CDKAL1: variants seen among roughly 807,000 people sequenced by gnomAD.
The protein encoded by CDKAL1 is threonylcarbamoyladenosine tRNA methylthiotransferase.
A neutral mutation model predicts 68.2 loss-of-function variants in CDKAL1; 32 were observed. That is an observed-to-expected ratio of 0.47 (90% CI 0.35 to 0.63). The LOEUF is 0.63. Ranked by LOEUF, CDKAL1 falls within the 30% of genes least tolerant of loss-of-function variation. The pLI, the probability that CDKAL1 is intolerant of heterozygous loss-of-function variation, is 0.00. For synonymous variants in CDKAL1, 234 were observed against 244.3 expected, an observed-to-expected ratio of 0.96 and a Z score of 0.39; for missense variants, 606 against 696.7, an observed-to-expected ratio of 0.87 and a Z score of 1.47.
At chr6:21,116,607 G>A (rs978062345) in intron 13 of CDKAL1, among the ~76,000 whole-genome samples, 3 of 152,038 alleles carry the variant, frequency 2.0e-5, no homozygotes, top group Non-Finnish European at 4.4e-5. Context: ...GGGTCACAGT[G>A]CAGAGATTGG....
intron 5 of CDKAL1, among the ~76,000 whole-genome samples, chr6:20,694,449 G>T (rs999472747): frequency 2.0e-5 from 3 of 152,104 alleles, no homozygotes; most frequent in Non-Finnish European, 2.9e-5. Flanking sequence ...TGTGCATCAG[G>T]ATGTCATTTT....
At position 20,585,254 on chromosome 6, in the gene CDKAL1, G is replaced by A. The variant is rs187065483; in HGVS notation, c.286+36549G>A. Among the ~76,000 whole-genome samples the A allele has an allele frequency of 1.3e-3, 199 of 151,924 alleles. 2 individuals carry two copies. Among genetic ancestry groups the A allele is most frequent in the Admixed American group, 2.4e-3 (37 of 15,250 alleles). The stretch of plus-strand genomic sequence containing the variant: ...TTTTTAGTAGAGATGGGGTTTCACC[G>A]TGTTAGCCAGGATGGTCTCGATCTC... On this transcript the variant is annotated intron_variant, in intron 4 of 15. Coordinates refer to ENST00000274695, the MANE Select transcript of CDKAL1 (RefSeq NM_017774.3).
chr6:20,806,297 T>G, intron 8 of CDKAL1, among the ~76,000 whole-genome samples: 1 of 152,202 alleles, frequency 6.6e-6, no homozygotes, highest in Admixed American at 6.5e-5. Context: ...CCATCCATGT[T>G]GCTGCAAAGG....
chr6:20,570,007 A>C (rs1376624844), intron 4 of CDKAL1, among the ~76,000 whole-genome samples: 1 of 152,218 alleles, frequency 6.6e-6, no homozygotes, highest in Non-Finnish European at 1.5e-5. Flanking sequence ...TCAGAAAATA[A>C]GAGTCCATCA....
At chr6:20,704,546 A>G (rs1771514559) in intron 5 of CDKAL1, among the ~76,000 whole-genome samples, 1 of 152,180 alleles carries the variant, frequency 6.6e-6, no homozygotes, top group African/African-American at 2.4e-5. Flanking sequence ...TGGAATAGAA[A>G]GTGCCAGAGG....
chr6:20,972,638 C>G (rs1765651576), intron 10 of CDKAL1, among the ~76,000 whole-genome samples: 1 of 152,182 alleles, frequency 6.6e-6, no homozygotes, highest in African/African-American at 2.4e-5. Flanking sequence ...GGCACATTTC[C>G]TGTTTGGAAC....
intron 4 of CDKAL1, among the ~76,000 whole-genome samples, chr6:20,567,857 G>A (rs533388873): frequency 6.6e-6 from 1 of 152,030 alleles, no homozygotes; most frequent in Non-Finnish European, 1.5e-5. Context: ...GGGACTACAG[G>A]TGTGCACCAC....
chr6:21,221,779 T>C (rs1779547053), intron 15 of CDKAL1, among the ~76,000 whole-genome samples: 1 of 152,178 alleles, frequency 6.6e-6, no homozygotes, highest in South Asian at 2.1e-4. Flanking sequence ...TGAGAAAAAT[T>C]TACACATGAG....
chr6:20,583,209 T>G (rs1765207118), intron 4 of CDKAL1, among the ~76,000 whole-genome samples: 2 of 152,198 alleles, frequency 1.3e-5, no homozygotes, highest in African/African-American at 4.8e-5. Flanking sequence ...CTGCTTTGCC[T>G]TGCCGTGAAG....
At chr6:20,785,035 G>A (rs1044550337) in intron 8 of CDKAL1, among the ~76,000 whole-genome samples, 2 of 152,008 alleles carry the variant, frequency 1.3e-5, no homozygotes, top group African/African-American at 4.8e-5. Context: ...CTCTTTAAAA[G>A]ATTGAAAGCT....
intron 4 of CDKAL1, among the ~76,000 whole-genome samples, chr6:20,646,613 A>C (rs2127757383): frequency 6.6e-6 from 1 of 152,246 alleles, no homozygotes; most frequent in South Asian, 2.1e-4. Flanking sequence ...ATTCATTGTC[A>C]TACTTCTTGA....
chr6:20,810,730 C>T (rs1160999833), intron 8 of CDKAL1, among the ~76,000 whole-genome samples: 1 of 150,946 alleles, frequency 6.6e-6, no homozygotes. Context: ...AACAAAACAA[C>T]CCAATAACAT....
intron 9 of CDKAL1, among the ~76,000 whole-genome samples, chr6:20,951,479 C>A (rs188660449): frequency 3.3e-5 from 5 of 152,072 alleles, no homozygotes; most frequent in Non-Finnish European, 7.4e-5. Context: ...ATTGCTATGG[C>A]GCAGAGATGG....
intron 8 of CDKAL1, among the ~76,000 whole-genome samples, chr6:20,832,523 G>A (rs548877497): frequency 1.3e-5 from 2 of 151,994 alleles, no homozygotes; most frequent in Middle Eastern, 3.4e-3. Flanking sequence ...AGGTTTGGTG[G>A]TGCAAGCCTG....
At chr6:20,944,774 A>G (rs536754965) in intron 9 of CDKAL1, among the ~76,000 whole-genome samples, 2 of 152,352 alleles carry the variant, frequency 1.3e-5, no homozygotes, top group South Asian at 4.1e-4. Flanking sequence ...TGGTCAAGTT[A>G]TAGAACTGGT....
chr6:20,873,397 T>C (rs1378564813), intron 9 of CDKAL1, among the ~76,000 whole-genome samples: 2 of 152,126 alleles, frequency 1.3e-5, no homozygotes, highest in African/African-American at 4.8e-5. Context: ...AAATAATGAT[T>C]ATGGTAGCTG....
At chr6:20,689,778 T>C (rs77557089) in intron 5 of CDKAL1, among the ~76,000 whole-genome samples, 1 of 152,166 alleles carries the variant, frequency 6.6e-6, no homozygotes, top group Non-Finnish European at 1.5e-5. Flanking sequence ...ACCAAAAAAA[T>C]AGAGAGGTAT....
At chr6:21,066,096 C>T (rs1275417260) in intron 12 of CDKAL1, among the ~76,000 whole-genome samples, 1 of 151,918 alleles carries the variant, frequency 6.6e-6, no homozygotes, top group Non-Finnish European at 1.5e-5. Flanking sequence ...TAATCCAGAG[C>T]TTGTTACTGT....
chr6:20,762,575 T>C (rs931533589), intron 7 of CDKAL1, among the ~76,000 whole-genome samples: 2 of 152,200 alleles, frequency 1.3e-5, no homozygotes, highest in African/African-American at 4.8e-5. Context: ...ACTGAAATAA[T>C]GTGGTTGTTA....
Sources: allele counts gnomAD v4.1 joint callset (sites outside exome capture counted in the v4.1 genomes callset), GRCh38; gene constraint gnomAD v4.1.1; transcripts MANE v1.5; gene names NCBI Gene and HGNC (gene_info 2026-07-23, HGNC 2026-07-21).